Variants in NKAIN3 observed in about 807,000 individuals in gnomAD.
The protein encoded by NKAIN3 is sodium/potassium-transporting ATPase subunit beta-1-interacting protein 3.
A neutral mutation model predicts 30.2 loss-of-function variants in NKAIN3; 25 were observed. The ratio of observed to expected loss-of-function variants is 0.83; its 90% CI spans 0.60 to 1.16. The LOEUF is 1.16. NKAIN3 is among the 50% of genes most tolerant of loss of function. The pLI, the probability that NKAIN3 is intolerant of heterozygous loss-of-function variation, is 0.00. For missense variants in NKAIN3, 225 were observed against 254.1 expected (o/e 0.89, Z 0.78); for synonymous variants, 91 against 89.6 (o/e 1.02, Z -0.09).
intron 3 of NKAIN3, among the ~76,000 whole-genome samples, chr8:62,620,267 G>A (rs1811583156): frequency 6.6e-6 from 1 of 152,012 alleles, no homozygotes; most frequent in Admixed American, 6.6e-5. Flanking sequence ...GTATAGGGTG[G>A]GCACCTCTCA....
chr8:62,794,064 T>G (rs1369946827), intron 4 of NKAIN3, among the ~76,000 whole-genome samples: 1 of 152,214 alleles, frequency 6.6e-6, no homozygotes, highest in Non-Finnish European at 1.5e-5. Context: ...AAGGCCTCTC[T>G]TACAACATCA....
chr8:62,426,341 A>G (rs527646456), intron 1 of NKAIN3, among the ~76,000 whole-genome samples: 8 of 151,982 alleles, frequency 5.3e-5, no homozygotes, highest in Non-Finnish European at 1.0e-4. Context: ...TCCACTAATC[A>G]TTAAAGTAAG....
chr8:62,706,347 G>C (rs1814521096), intron 3 of NKAIN3, among the ~76,000 whole-genome samples: 1 of 152,138 alleles, frequency 6.6e-6, no homozygotes, highest in African/African-American at 2.4e-5. Context: ...ACATGCAGCA[G>C]TGAAACATCA....
At chr8:62,331,081 C>T (rs1238898540) in intron 1 of NKAIN3, among the ~76,000 whole-genome samples, 1 of 150,010 alleles carries the variant, frequency 6.7e-6, no homozygotes, top group African/African-American at 2.5e-5. Flanking sequence ...CTCTCTCTGT[C>T]TCTCTCTCTC....
intron 1 of NKAIN3, among the ~76,000 whole-genome samples, chr8:62,417,444 T>C (rs553624025): frequency 5.9e-5 from 9 of 152,202 alleles, no homozygotes; most frequent in Non-Finnish European, 1.0e-4. Flanking sequence ...GGAGTGTAGA[T>C]ATCTCTTCTA....
intron 3 of NKAIN3, among the ~76,000 whole-genome samples, chr8:62,737,044 G>T (rs1025717007): frequency 2.0e-5 from 3 of 152,126 alleles, no homozygotes; most frequent in Non-Finnish European, 4.4e-5. Context: ...ACAGTTTTTT[G>T]GCTTTCTCAC....
intron 3 of NKAIN3, among the ~76,000 whole-genome samples, chr8:62,737,645 T>C (rs188267636): frequency 6.2e-4 from 95 of 152,332 alleles, no homozygotes; most frequent in African/African-American, 2.2e-3. Context: ...ATAAAAGCCC[T>C]GCTCTTGTCT....
At chr8:62,435,604 T>C (rs1805146495) in intron 1 of NKAIN3, among the ~76,000 whole-genome samples, 1 of 152,188 alleles carries the variant, frequency 6.6e-6, no homozygotes, top group Non-Finnish European at 1.5e-5. Context: ...CATTCATGCC[T>C]GTGAGCACGT....
intron 1 of NKAIN3, among the ~76,000 whole-genome samples, chr8:62,523,952 A>C (rs2129798755): frequency 6.6e-6 from 1 of 152,256 alleles, no homozygotes; most frequent in East Asian, 1.9e-4. Flanking sequence ...TGTCTTATCC[A>C]GCCTTATTAT....
chr8:62,617,258 G>A (rs1811486161), intron 3 of NKAIN3, among the ~76,000 whole-genome samples: 2 of 152,102 alleles, frequency 1.3e-5, no homozygotes, highest in South Asian at 4.1e-4. Flanking sequence ...AACACACTCA[G>A]ATAAGGTCAA....
At chr8:62,628,063 A>T (rs1811843560) in intron 3 of NKAIN3, among the ~76,000 whole-genome samples, 1 of 152,034 alleles carries the variant, frequency 6.6e-6, no homozygotes, top group African/African-American at 2.4e-5. Flanking sequence ...ACTATGGGAG[A>T]TCTATAAATG....
intron 4 of NKAIN3, chr8:62,856,774 C>A (rs1291831607): frequency 5.0e-5 from 33 of 654,910 alleles, no homozygotes; most frequent in Non-Finnish European, 2.0e-5. Context: ...TTATCCAACT[C>A]CTGTAAGATG....
intron 6 of NKAIN3, among the ~76,000 whole-genome samples, chr8:62,957,638 A>G (rs938145112): frequency 6.6e-6 from 1 of 152,226 alleles, no homozygotes; most frequent in Non-Finnish European, 1.5e-5. Flanking sequence ...TACATGCTAT[A>G]TAATTCCAAT....
intron 4 of NKAIN3, among the ~76,000 whole-genome samples, chr8:62,909,600 A>ACAGT (rs1352586292): frequency 6.6e-6 from 1 of 152,194 alleles, no homozygotes; most frequent in Non-Finnish European, 1.5e-5. Context: ...GAACTACACA[A>ACAGT]CAGTCAGCCA....
chr8:62,899,996 C>A (rs1249363002), intron 4 of NKAIN3, among the ~76,000 whole-genome samples: 1 of 148,252 alleles, frequency 6.7e-6, no homozygotes, highest in Admixed American at 6.8e-5. Context: ...TCCATGTAAC[C>A]AAAACCACTT....
At chr8:62,784,735 T>C (rs190161782) in intron 4 of NKAIN3, among the ~76,000 whole-genome samples, 2 of 152,226 alleles carry the variant, frequency 1.3e-5, no homozygotes, top group African/African-American at 2.4e-5. Flanking sequence ...AAATAGAGCA[T>C]GAAGGAGCAC....
At chr8:62,264,405 A>G (rs1206893132) in intron 1 of NKAIN3, among the ~76,000 whole-genome samples, 2 of 152,194 alleles carry the variant, frequency 1.3e-5, no homozygotes, top group African/African-American at 4.8e-5. Context: ...CATTAATTAA[A>G]TCAAATACTT....
chr8:62,441,164 G>A (rs1160024491), intron 1 of NKAIN3, among the ~76,000 whole-genome samples: 3 of 152,000 alleles, frequency 2.0e-5, no homozygotes, highest in South Asian at 4.1e-4. Context: ...AAAGGGCTAA[G>A]CTTTTTATTA....
intron 4 of NKAIN3, among the ~76,000 whole-genome samples, chr8:62,849,482 G>A (rs1482965551): frequency 1.3e-5 from 2 of 150,540 alleles, no homozygotes; most frequent in Non-Finnish European, 3.0e-5. Context: ...AAGTTTTAGG[G>A]TACATGTGCA....
Sources: allele counts gnomAD v4.1 joint callset (sites outside exome capture counted in the v4.1 genomes callset), GRCh38; gene constraint gnomAD v4.1.1; transcripts MANE v1.5; gene names NCBI Gene and HGNC (gene_info 2026-07-23, HGNC 2026-07-21).